Variants in NR5A1 observed in about 807,000 individuals in gnomAD.
NR5A1 encodes the protein steroidogenic factor 1.
In NR5A1, 6 loss-of-function variants were observed where a neutral mutation model predicts 42.7. The ratio of observed to expected loss-of-function variants is 0.14; its 90% CI spans 0.08 to 0.28. The LOEUF is 0.28. Ranked by LOEUF, NR5A1 falls within the 10% of genes least tolerant of loss-of-function variation. The probability of loss-of-function intolerance (pLI) is 1.00; values close to 1 mark genes in which losing one functional copy is unlikely to be tolerated. For missense variants in NR5A1, 442 were observed against 626.4 expected (o/e 0.71, Z 3.14); for synonymous variants, 274 against 277.5 (o/e 0.99, Z 0.12).
At chr9:124,497,918 C>A (rs2088876671) in intron 4 of NR5A1, among the ~76,000 whole-genome samples, 1 of 152,222 alleles carries the variant, frequency 6.6e-6, no homozygotes, top group African/African-American at 2.4e-5. Flanking sequence ...TTGCTCTCCC[C>A]CCAGGGTCCC....
At chr9:124,483,148 G>T in intron 6 of NR5A1, 143 bp from the exon 7 acceptor site, 11 of 1,577,072 alleles carry the variant, frequency 7.0e-6, no homozygotes, top group Non-Finnish European at 9.5e-6. Flanking sequence ...CATGCAACAT[G>T]GTCTCCCCGT....
At chr9:124,488,142 G>GTTT (rs35319224) in intron 6 of NR5A1, among the ~76,000 whole-genome samples, 1 of 145,472 alleles carries the variant, frequency 6.9e-6, no homozygotes, top group Non-Finnish European at 1.5e-5. Flanking sequence ...AGTGCTGCTT[G>GTTT]TTTTTTTTTC....
intron 1 of NR5A1, among the ~76,000 whole-genome samples, chr9:124,504,383 G>A (rs371118112): frequency 0.011 from 1,689 of 152,206 alleles, 25 homozygotes; most frequent in African/African-American, 0.038. Flanking sequence ...CGCAGGAGGC[G>A]GAAAACGACG....
chr9:124,482,817 C>G lies in NR5A1; in HGVS notation c.1327G>C (p.Gly443Arg), dbSNP rs778281289. The change falls in exon 7 of 7, where the codon GGC becomes CGC. Residue 443 changes from glycine (G) to arginine (R), a missense_variant. Physicochemically the swap from Gly to Arg is moderately radical, Grantham distance 125. This residue lies in a region of NR5A1 where 163 missense variants were observed against 265.8 expected (regional missense o/e 0.61). Transcript: ENST00000373588. Reference protein sequence around the residue: ...AKEYLYHKHLGNEMPRNNLLI... With the variant: ...AKEYLYHKHLRNEMPRNNLLI... ...AGGTTGTTGCGGGGCATCTCGTTGC[C>G]CAGGTGCTTGTGGTACAGGTACTCC... 6.2e-6 allele frequency: 10 copies of G among 1,610,074 alleles called. No individual in the cohort carries two copies. The Admixed American group carries it at 1.7e-4, about 27-fold the overall frequency.
chr9:124,499,956 G>A lies in NR5A1; in HGVS notation c.870+134C>T, dbSNP rs1297448172. ...TGGAAATGCTCCTTAATGTCCCCAG[G>A]GTGGCCTCCGGGTCCCCAGGTACTG... is the stretch of plus-strand genomic sequence containing the variant. On this transcript the variant is annotated intron_variant, in intron 4 of 6. Transcript: ENST00000373588. The A allele has an allele frequency of 4.0e-6, 5 of 1,244,260 alleles. No individual in the cohort carries two copies. The African/African-American group carries it at 7.4e-5, about 18-fold the overall frequency. The allele number at this position is 1,244,260 out of a possible 1,614,324, so 77.1% of individuals were successfully genotyped here.
rs1350423033 is a variant in NR5A1 at position 124,501,572 on chromosome 9, C to T, written c.245-857G>A. Among the ~76,000 whole-genome samples the T allele has an allele frequency of 2.0e-5, 3 of 152,198 alleles. No homozygotes were observed. The highest frequency in any genetic ancestry group is 4.4e-5 in the Non-Finnish European group (3 of 68,030). Reference sequence around the variant, plus strand: ...GCAGGAGAGAGGGGGTGGTGGTGCTCAGCAGGGATGATGGCTGGGGGGCTG... The same window carrying T: ...GCAGGAGAGAGGGGGTGGTGGTGCTTAGCAGGGATGATGGCTGGGGGGCTG... On this transcript the variant is annotated intron_variant, in intron 3 of 6. Coordinates refer to ENST00000373588, the MANE Select transcript of NR5A1 (RefSeq NM_004959.5). The surrounding 1 kb of genome is among the most constrained non-coding windows in gnomAD (Gnocchi z 4.1).
In NR5A1 at chr9:124,484,019, A is replaced by T. The variant is rs187676878; in HGVS notation, c.1139-1014T>A. 5.0e-3 allele frequency among the ~76,000 whole-genome samples: 762 copies of T among 152,324 alleles called. 4 individuals carry two copies. Among genetic ancestry groups the T allele is most frequent in the Non-Finnish European group, 6.8e-3 (466 of 68,030 alleles). On this transcript the variant is annotated intron_variant, in intron 6 of 6. Coordinates refer to ENST00000373588, the MANE Select transcript of NR5A1 (RefSeq NM_004959.5). ...CTATGCCTGACCTGCTGCACATCACAGCCTGGCCTACCTTAAATGTGCTCA... is the reference window on the plus strand; with the variant it reads ...CTATGCCTGACCTGCTGCACATCACTGCCTGGCCTACCTTAAATGTGCTCA...
intron 6 of NR5A1, among the ~76,000 whole-genome samples, chr9:124,486,115 T>C (rs1588615259): frequency 6.6e-6 from 1 of 151,084 alleles, no homozygotes; most frequent in Non-Finnish European, 1.5e-5. Flanking sequence ...GGTGCGGGGG[T>C]GGGTGCAGAA....
chr9:124,499,531 G>A (rs1832434926), intron 4 of NR5A1, among the ~76,000 whole-genome samples: 1 of 152,148 alleles, frequency 6.6e-6, no homozygotes, highest in South Asian at 2.1e-4. Context: ...GCCCACAAAT[G>A]CCCCAAACTC....
intron 4 of NR5A1, among the ~76,000 whole-genome samples, chr9:124,499,336 G>C (rs1439366484): frequency 1.3e-5 from 2 of 152,154 alleles, no homozygotes; most frequent in Admixed American, 1.3e-4. Flanking sequence ...TCGACCCAGG[G>C]GGAAAGAAGG....
At chr9:124,488,963 G>A (rs72761479) in intron 6 of NR5A1, among the ~76,000 whole-genome samples, 7,006 of 152,274 alleles carry the variant, frequency 0.046, 211 homozygotes, top group Middle Eastern at 0.11. Flanking sequence ...GCTGCATCTG[G>A]AAAAAAAGGC....
intron 5 of NR5A1, among the ~76,000 whole-genome samples, chr9:124,491,721 TGTGAA>T (rs1446012651): frequency 6.6e-6 from 1 of 151,356 alleles, no homozygotes; most frequent in Admixed American, 6.6e-5. Flanking sequence ...TCGCCCACTC[TGTGAA>T]GTGAAGGCAC....
At chr9:124,485,693 T>A (rs995607885) in intron 6 of NR5A1, among the ~76,000 whole-genome samples, 1 of 152,222 alleles carries the variant, frequency 6.6e-6, no homozygotes, top group Non-Finnish European at 1.5e-5. Flanking sequence ...CAACGCCTCC[T>A]GGCCCAGGTG....
At chr9:124,487,715 G>A (rs1313452044) in intron 6 of NR5A1, among the ~76,000 whole-genome samples, 2 of 152,222 alleles carry the variant, frequency 1.3e-5, no homozygotes, top group Non-Finnish European at 2.9e-5. Flanking sequence ...GACGCCCTGC[G>A]CGCCAGCTGG....
chr9:124,497,651 G>A lies in NR5A1; in HGVS notation c.870+2439C>T, dbSNP rs117244640. On this transcript the variant is annotated intron_variant, in intron 4 of 6. Transcript: ENST00000373588. The stretch of plus-strand genomic sequence containing the variant: ...TGTCAGGGGAGCCCCTCCCTGACCC[G>A]GAACCTGGAGCCCCAGCCAGCCCCG... 9.9e-3 allele frequency among the ~76,000 whole-genome samples: 1,502 copies of A among 152,180 alleles called. 11 individuals carry two copies. The highest frequency in any genetic ancestry group is 0.014 in the Non-Finnish European group (948 of 67,972).
In NR5A1 at chr9:124,491,159, G is replaced by C; in HGVS notation, c.1060C>G (p.Leu354Val). The C allele has an allele frequency of 6.2e-7, 1 of 1,609,332 alleles. No homozygotes were observed. Among genetic ancestry groups the C allele is most frequent in the Non-Finnish European group, 8.5e-7 (1 of 1,178,670 alleles). ...TGCAGCGCAAGCAGCTGCAGCACCA[G>C]CTCCTGCGCCCGCAACACCAGGCTG... is the stretch of plus-strand genomic sequence containing the variant. ...LHSLVLRAQELVLQLLALQLD... is the reference protein window; with the variant it reads ...LHSLVLRAQEVVLQLLALQLD... The change falls in exon 6 of 7, where the codon CTG becomes GTG. Residue 354 changes from leucine (L) to valine (V), a missense_variant. Leu to Val is a conservative substitution (Grantham distance 32). Transcript: ENST00000373588.
In NR5A1 at chr9:124,498,885, C is replaced by G. The variant is rs1832426262; in HGVS notation, c.870+1205G>C. Among the ~76,000 whole-genome samples, 1 of 152,202 alleles carries G rather than the reference C, an allele frequency of 6.6e-6. No homozygotes were observed. The highest frequency in any genetic ancestry group is 6.5e-5 in the Admixed American group (1 of 15,284). On this transcript the variant is annotated intron_variant, in intron 4 of 6. Transcript: ENST00000373588. This position sits in a 1 kb window ranked among gnomAD's most constrained non-coding sequence, Gnocchi z 4.6. The stretch of plus-strand genomic sequence containing the variant: ...GCCCAGGCCCCAGTCCCGCGATGCC[C>G]CTAGGGCTCGGAGCACCCACCCCCA...
Position 124,500,654 on chromosome 9 carries a change from G to A in NR5A1, c.306C>T (p.Asp102=), listed in dbSNP as rs930707257. Residue 102 remains aspartate (D), a synonymous_variant, in exon 4 of 7, where the codon GAC becomes GAT. Transcript: ENST00000373588. The surrounding 1 kb of genome is among the most constrained non-coding windows in gnomAD (Gnocchi z 6.9). ...CCTTCTTCTGCTGTTTCAGGGCCCG[G>A]TCCCGCTTGTACATCGGCCCAAACT... ...RNKFGPMYKR[D]RALKQQKKAQ... is the part of the protein sequence containing the mutation. 1 of 1,613,334 alleles carries A rather than the reference G, an allele frequency of 6.2e-7. No homozygotes were observed. The highest frequency in any genetic ancestry group is 1.7e-5 in the Admixed American group (1 of 60,028).
intron 6 of NR5A1, among the ~76,000 whole-genome samples, chr9:124,483,615 C>T (rs1832163579): frequency 6.6e-6 from 1 of 152,240 alleles, no homozygotes; most frequent in Admixed American, 6.5e-5. Context: ...CCATAACCAA[C>T]ACCATCCCCC....
Sources: gnomAD v4.1 joint callset for allele counts (sites outside exome capture counted in the v4.1 genomes callset) on GRCh38, gnomAD v4.1.1 for gene constraint, gnomAD v4.1.1 regional missense constraint, Gnocchi (gnomAD v3.1) non-coding constraint, MANE v1.5 for transcripts, NCBI Gene and HGNC (gene_info 2026-07-23, HGNC 2026-07-21) for gene names.